SUPV3L1: variants seen among roughly 807,000 people sequenced by gnomAD.
The protein encoded by SUPV3L1 is Suv3 like RNA helicase.
SUPV3L1 carries 35 observed loss-of-function variants against 70.0 expected under a neutral mutation model. The ratio of observed to expected loss-of-function variants is 0.50; its 90% confidence interval spans 0.38 to 0.66. The LOEUF (loss-of-function observed/expected upper bound fraction) is 0.66, where lower values mean the gene tolerates loss of function less well. Among genes scored for constraint, SUPV3L1 ranks in the 30% least tolerant of loss-of-function variants. The pLI, the probability that SUPV3L1 is intolerant of heterozygous loss-of-function variation, is 0.00. For missense variants in SUPV3L1, 777 were observed against 961.5 expected, an observed-to-expected ratio of 0.81 and a Z score of 2.54; for synonymous variants, 364 against 341.9, an observed-to-expected ratio of 1.06 and a Z score of -0.71.
Position 69,197,017 on chromosome 10 carries a change from G to A in SUPV3L1, c.957G>A (p.Leu319=), listed in dbSNP as rs962389725. ...LLGLCAEEVH[L]CGEPAAIDLV... ...GACTGTGTGCTGAAGAGGTTCATTTGTGTGGAGAACCTGCTGCTATTGACC... is the reference window on the plus strand; with the variant it reads ...GACTGTGTGCTGAAGAGGTTCATTTATGTGGAGAACCTGCTGCTATTGACC... Residue 319 remains leucine (L), a synonymous_variant, in exon 8 of 15, where the codon TTG becomes TTA. Transcript: ENST00000359655. 2 of 1,614,008 alleles carry A rather than the reference G, an allele frequency of 1.2e-6. No homozygotes were observed. Among genetic ancestry groups the A allele is most frequent in the Non-Finnish European group, 1.7e-6 (2 of 1,180,014 alleles).
In SUPV3L1 at chr10:69,180,448, T is replaced by G; in HGVS notation, c.157T>G (p.Ser53Ala). ...CCTTGCCACCGCCTCCTCCTCTGCCTCCGGTGGCTCCAAAATACCAAACAC... is the reference window on the plus strand; with the variant it reads ...CCTTGCCACCGCCTCCTCCTCTGCCGCCGGTGGCTCCAAAATACCAAACAC... The part of the protein sequence containing the change: ...SVLATASSSA[S>A]GGSKIPNTSL... Residue 53 changes from serine to alanine, a missense_variant, in exon 1 of 15, where the codon TCC becomes GCC. Ser to Ala is a moderately conservative substitution (Grantham distance 99). Around this residue, in one of 2 missense-constraint regions of SUPV3L1, gnomAD observed 158 missense variants for 138.3 expected, o/e 1.14. Coordinates refer to ENST00000359655, the MANE Select transcript of SUPV3L1 (RefSeq NM_003171.5). 3 of 1,614,232 alleles carry G rather than the reference T, an allele frequency of 1.9e-6. No individual in the cohort carries two copies. Among genetic ancestry groups the G allele is most frequent in the Non-Finnish European group, 2.5e-6 (3 of 1,180,044 alleles).
At chr10:69,201,610 C>T (rs12220465) in intron 11 of SUPV3L1, among the ~76,000 whole-genome samples, 9,889 of 150,858 alleles carry the variant, frequency 0.066, 699 homozygotes, top group African/African-American at 0.17. Flanking sequence ...TCACGGCTCA[C>T]GGTAACCCCA....
In SUPV3L1 at chr10:69,199,150, A is replaced by G. The variant is rs543319520; in HGVS notation, c.1251A>G (p.Pro417=). 67 of 1,612,754 alleles carry G rather than the reference A, an allele frequency of 4.2e-5. No homozygotes were observed. Among genetic ancestry groups the G allele is most frequent in the South Asian group, 2.8e-4 (25 of 90,682 alleles). Residue 417 remains proline (P), a synonymous_variant, in exon 10 of 15, where the codon CCA becomes CCG. Transcript: ENST00000359655. ...QAKKFNDPND[P]CKILVATDAI... ...AAAAGTTTAATGATCCCAATGACCC[A>G]TGCAAAATCTTGGTTGCTACAGATG...
chr10:69,195,126 G>T (rs1351716246), intron 6 of SUPV3L1, 62 bp from the exon 7 acceptor site: 5 of 1,357,926 alleles, frequency 3.7e-6, no homozygotes, highest in South Asian at 1.3e-5. Context: ...TTTGGTGTTG[G>T]AATTTGTTTA....
chr10:69,201,567 C>G (rs966891324), intron 11 of SUPV3L1, among the ~76,000 whole-genome samples: 1 of 146,618 alleles, frequency 6.8e-6, no homozygotes. Context: ...TAGTGTTTCA[C>G]TCTGTTACTC....
chr10:69,186,169 A>G, intron 2 of SUPV3L1, 105 bp downstream of exon 2: 1 of 1,024,032 alleles, frequency 9.8e-7, no homozygotes, highest in Non-Finnish European at 1.5e-6. Flanking sequence ...TAGTCTGGAG[A>G]CACGTCCCTG....
In SUPV3L1 at chr10:69,209,077, T is replaced by TA. The variant is rs763996101; in HGVS notation, c.*47dup. The stretch of plus-strand genomic sequence containing the variant: ...TTTTTTTTTTATTTAATTTTGCAAA[T>TA]AAAAATTTATTTTGAATCCTTTTTC... On this transcript the variant is annotated 3_prime_UTR_variant, in exon 15 of 15. Coordinates refer to ENST00000359655, the MANE Select transcript of SUPV3L1 (RefSeq NM_003171.5). The TA allele has an allele frequency of 6.7e-7, 1 of 1,484,266 alleles. No individual in the cohort carries two copies. The highest frequency in any genetic ancestry group is 1.4e-5 in the African/African-American group (1 of 70,004). 91.9% of individuals were successfully genotyped at this position (1,484,266 alleles called of 1,614,324 possible).
intron 1 of SUPV3L1, among the ~76,000 whole-genome samples, chr10:69,185,467 AAC>A (rs144121241): frequency 0.18 from 27,016 of 151,258 alleles, 2,791 homozygotes; most frequent in Non-Finnish European, 0.23. Context: ...TCTATGGTAT[AAC>A]AGGGTGCTGC....
chr10:69,188,606 C>T (rs993864888), intron 4 of SUPV3L1, among the ~76,000 whole-genome samples: 1 of 152,170 alleles, frequency 6.6e-6, no homozygotes, highest in Non-Finnish European at 1.5e-5. Flanking sequence ...TCAAGTGATT[C>T]TCCTGCCTCA....
intron 13 of SUPV3L1, among the ~76,000 whole-genome samples, chr10:69,204,821 T>C (rs1842782337): frequency 6.6e-6 from 1 of 151,936 alleles, no homozygotes; most frequent in South Asian, 2.1e-4. Flanking sequence ...TCGCTGAGGC[T>C]GGAGTACAGT....
At chr10:69,198,663 A>T in intron 9 of SUPV3L1, 111 bp downstream of exon 9, 1 of 1,001,240 alleles carries the variant, frequency 1.0e-6, no homozygotes, top group Non-Finnish European at 1.5e-6. Flanking sequence ...TGCTTGATGT[A>T]TTGGTAATTT....
chr10:69,183,193 G>T (rs1842115914), intron 1 of SUPV3L1, among the ~76,000 whole-genome samples: 1 of 152,166 alleles, frequency 6.6e-6, no homozygotes, highest in African/African-American at 2.4e-5. Context: ...AGAAAGCCCA[G>T]TTAATGAGTC....
At position 69,202,440 on chromosome 10, in the gene SUPV3L1, C is replaced by T. The variant is rs1377976588; in HGVS notation, c.1520C>T (p.Ala507Val). The T allele has an allele frequency of 1.9e-6, 3 of 1,607,126 alleles. No homozygotes were observed. Among genetic ancestry groups the T allele is most frequent in the Non-Finnish European group, 2.5e-6 (3 of 1,176,796 alleles). The change falls in exon 12 of 15, where the codon GCA (alanine) becomes GTA (valine). Residue 507 changes from alanine (A) to valine (V), a missense_variant and splice_region_variant. Physicochemically the swap from Ala to Val is moderately conservative, Grantham distance 64 (BLOSUM62 0). This residue lies in a region of SUPV3L1 where 619 missense variants were observed against 823.3 expected (regional missense o/e 0.75). Coordinates refer to ENST00000359655, the MANE Select transcript of SUPV3L1 (RefSeq NM_003171.5). ...ILKRPVDPIRAAGLHPTAEQI... is the reference protein window; with the variant it reads ...ILKRPVDPIRVAGLHPTAEQI... ...GATTGTTTTTTCTTTTACTAAAAGG[C>T]AGCTGGTCTTCATCCAACTGCTGAG...
At position 69,186,520 on chromosome 10, in the gene SUPV3L1, A is replaced by G. The variant is rs745801552; in HGVS notation, c.427A>G (p.Ile143Val). 1 of 1,613,972 alleles carries G rather than the reference A, an allele frequency of 6.2e-7. No individual in the cohort carries two copies. Among genetic ancestry groups the G allele is most frequent in the Non-Finnish European group, 8.5e-7 (1 of 1,179,930 alleles). ...TCATTCCCTGGATGTGGACATTCAC[A>G]TTGTTTTGAATGATATTTGCTTCGG... ...QSHSLDVDIHIVLNDICFGAA... is the reference protein window; with the variant it reads ...QSHSLDVDIHVVLNDICFGAA... Residue 143 changes from isoleucine to valine, a missense_variant, in exon 3 of 15, where the codon ATT (isoleucine) becomes GTT (valine). By Grantham distance (29) the Ile-to-Val change is conservative (BLOSUM62 3). This residue lies in a region of SUPV3L1 where 619 missense variants were observed against 823.3 expected (regional missense o/e 0.75). Coordinates refer to ENST00000359655, the MANE Select transcript of SUPV3L1 (RefSeq NM_003171.5).
chr10:69,191,733 T>G lies in SUPV3L1; in HGVS notation c.820T>G (p.Cys274Gly). ...PNGKQASHVS[C>G]TVEMCSVTTP... ...TGGGAAACAGGCTTCACATGTTTCT[T>G]GTACAGTTGAGATGTGCAGTGTTAC... The change falls in exon 6 of 15, where the codon TGT (cysteine) becomes GGT (glycine). Residue 274 changes from cysteine to glycine, a missense_variant. Transcript: ENST00000359655. 6.2e-7 allele frequency: 1 copy of G among 1,614,144 alleles called. No homozygotes were observed. Among genetic ancestry groups the G allele is most frequent in the Non-Finnish European group, 8.5e-7 (1 of 1,180,014 alleles).
chr10:69,189,739 C>T (rs749582515), intron 5 of SUPV3L1, among the ~76,000 whole-genome samples: 1 of 150,720 alleles, frequency 6.6e-6, no homozygotes, highest in African/African-American at 2.4e-5. Context: ...CTCCGCCTCT[C>T]GGGTTCATGC....
At chr10:69,196,527 CTT>C (rs893002979) in intron 7 of SUPV3L1, among the ~76,000 whole-genome samples, 1 of 151,612 alleles carries the variant, frequency 6.6e-6, no homozygotes, top group Non-Finnish European at 1.5e-5. Context: ...AGGCTGAACT[CTT>C]TTTTTAAACA....
chr10:69,198,218 CAAAAT>C (rs1037673978), intron 8 of SUPV3L1, among the ~76,000 whole-genome samples, 149 bp from the exon 9 acceptor site: 3 of 152,130 alleles, frequency 2.0e-5, no homozygotes, highest in African/African-American at 7.2e-5. Context: ...CTTATAATAT[CAAAAT>C]AAATGTTTTT....
Position 69,203,678 on chromosome 10 carries a change from C to A in SUPV3L1, c.1776+635C>A, listed in dbSNP as rs1271495211. Among the ~76,000 whole-genome samples, 232 of 136,240 alleles carry A rather than the reference C, an allele frequency of 1.7e-3. 3 individuals are homozygous for A. Among genetic ancestry groups the A allele is most frequent in the Middle Eastern group, 0.015 (4 of 266 alleles). The allele number at this position is 136,240 out of a possible 152,430, so 89.4% of individuals were successfully genotyped here. A position where few individuals can be genotyped will look rare whatever the true frequency, so the allele number is the denominator to read the frequency against. ...GACTCTGTCTCAAAAAAAAAAAAAA[C>A]AAAACTCTACCAAGGTTTATCATAA... On this transcript the variant is annotated intron_variant, in intron 13 of 14. Transcript: ENST00000359655.
Sources: allele counts gnomAD v4.1 joint callset (sites outside exome capture counted in the v4.1 genomes callset), GRCh38; gene constraint gnomAD v4.1.1; regional missense constraint gnomAD v4.1.1; transcripts MANE v1.5; gene names NCBI Gene and HGNC (gene_info 2026-07-23, HGNC 2026-07-21).